Variants in ATRNL1 observed in about 807,000 individuals in gnomAD.
The protein encoded by ATRNL1 is attractin like 1.
Under a neutral mutation model 182.7 loss-of-function variants are expected in ATRNL1, and 95 were observed. That is an observed-to-expected ratio of 0.52 (90% CI 0.44 to 0.62). ATRNL1 has a LOEUF of 0.62. Ranked by LOEUF, ATRNL1 falls within the 20% of genes least tolerant of loss-of-function variation. ATRNL1 has a pLI of 0.00. For synonymous variants in ATRNL1, 576 were observed against 568.3 expected (o/e 1.01, Z -0.19); for missense variants, 1,471 against 1,679.5 (o/e 0.88, Z 2.17).
At chr10:115,646,310 C>T (rs1031757962) in intron 26 of ATRNL1, among the ~76,000 whole-genome samples, 3 of 151,994 alleles carry the variant, frequency 2.0e-5, no homozygotes, top group Non-Finnish European at 4.4e-5. Flanking sequence ...TTTAGTAATA[C>T]TAATTATAAT....
chr10:115,795,306 G>A (rs979315787), intron 27 of ATRNL1, among the ~76,000 whole-genome samples: 1 of 152,064 alleles, frequency 6.6e-6, no homozygotes, highest in Non-Finnish European at 1.5e-5. Context: ...CTAAAATTCT[G>A]ATCCAGAATC....
At chr10:115,462,299 A>C (rs782291818) in intron 22 of ATRNL1, among the ~76,000 whole-genome samples, 1 of 152,138 alleles carries the variant, frequency 6.6e-6, no homozygotes, top group African/African-American at 2.4e-5. Flanking sequence ...TAATTATACA[A>C]GCACGGACTG....
chr10:115,377,222 A>G (rs1337461261), intron 19 of ATRNL1, among the ~76,000 whole-genome samples: 3 of 152,108 alleles, frequency 2.0e-5, no homozygotes, highest in African/African-American at 7.2e-5. Flanking sequence ...ACCCAGTGGG[A>G]GATAACTGAA....
chr10:115,653,025 A>T (rs1361675675), intron 26 of ATRNL1, among the ~76,000 whole-genome samples: 1 of 152,118 alleles, frequency 6.6e-6, no homozygotes, highest in Non-Finnish European at 1.5e-5. Context: ...TCATTGCGTA[A>T]AATAATTACA....
rs1316963416 is a variant in ATRNL1, at chr10:115,387,932, T to C, written c.3176-6727T>C. On this transcript the variant is annotated intron_variant, in intron 19 of 28. Coordinates refer to ENST00000355044, the MANE Select transcript of ATRNL1 (RefSeq NM_207303.4). The stretch of plus-strand genomic sequence containing the variant: ...TGATATATAGTATCGTCATCATCAC[T>C]TTTGAAGGAAATTTGTGTTTATTAT... Among the ~76,000 whole-genome samples, 8 of 152,296 alleles carry C rather than the reference T, an allele frequency of 5.3e-5. No homozygotes were observed. In the East Asian group the frequency reaches 1.3e-3, roughly 26 times the overall value.
At chr10:115,492,722 C>T (rs1323782094) in intron 24 of ATRNL1, among the ~76,000 whole-genome samples, 6 of 146,252 alleles carry the variant, frequency 4.1e-5, no homozygotes, top group African/African-American at 1.5e-4. Flanking sequence ...TGGCCCACTG[C>T]AAGCTCCGCC....
intron 27 of ATRNL1, among the ~76,000 whole-genome samples, chr10:115,802,686 C>T (rs1555084643): frequency 6.6e-6 from 1 of 152,064 alleles, no homozygotes; most frequent in African/African-American, 2.4e-5. Flanking sequence ...CTATCTCTTG[C>T]CTTGTGGGAC....
chr10:115,384,779 T>A (rs1186158002), intron 19 of ATRNL1, among the ~76,000 whole-genome samples: 1 of 152,034 alleles, frequency 6.6e-6, no homozygotes, highest in Non-Finnish European at 1.5e-5. Context: ...ATTTGTTATT[T>A]CTAAAGTTTT....
chr10:115,942,289 G>T (rs1171579152), intron 28 of ATRNL1, among the ~76,000 whole-genome samples: 2 of 152,162 alleles, frequency 1.3e-5, no homozygotes, highest in African/African-American at 4.8e-5. Context: ...TGGAACTTAT[G>T]TCTGCTGGCC....
intron 25 of ATRNL1, among the ~76,000 whole-genome samples, chr10:115,537,315 T>C (rs1160320185): frequency 6.6e-6 from 1 of 152,208 alleles, no homozygotes; most frequent in Non-Finnish European, 1.5e-5. Context: ...TTGACTTAAA[T>C]ATTGCTTTAC....
At chr10:115,701,217 C>A (rs1340953272) in intron 26 of ATRNL1, among the ~76,000 whole-genome samples, 1 of 151,922 alleles carries the variant, frequency 6.6e-6, no homozygotes, top group South Asian at 2.1e-4. Context: ...TTTGGATAAA[C>A]AACAAAATTA....
chr10:115,354,655 G>A (rs1378963767), intron 19 of ATRNL1, among the ~76,000 whole-genome samples: 2 of 152,008 alleles, frequency 1.3e-5, no homozygotes, highest in African/African-American at 4.8e-5. Context: ...ATTATTATAT[G>A]TCTTGTGGTA....
At chr10:115,185,039 G>A (rs1422319226) in intron 8 of ATRNL1, among the ~76,000 whole-genome samples, 2 of 151,946 alleles carry the variant, frequency 1.3e-5, no homozygotes, top group Non-Finnish European at 2.9e-5. Context: ...TGTGGAAGAC[G>A]AGAACTGCAG....
At chr10:115,405,908 G>T (rs1554958145) in intron 20 of ATRNL1, among the ~76,000 whole-genome samples, 1 of 134,680 alleles carries the variant, frequency 7.4e-6, no homozygotes, top group Admixed American at 8.9e-5. Context: ...TATTCTCATT[G>T]TTCAGTTCCC....
intron 28 of ATRNL1, among the ~76,000 whole-genome samples, chr10:115,937,626 A>G (rs1953601235): frequency 6.6e-6 from 1 of 152,254 alleles, no homozygotes; most frequent in Non-Finnish European, 1.5e-5. Flanking sequence ...TCTATGTAAC[A>G]TCAAAGTTTC....
chr10:115,219,627 G>A (rs1278425867), intron 9 of ATRNL1, among the ~76,000 whole-genome samples: 1 of 152,212 alleles, frequency 6.6e-6, no homozygotes, highest in African/African-American at 2.4e-5. Context: ...AATAGTCTGG[G>A]CATGGTGGCT....
intron 25 of ATRNL1, among the ~76,000 whole-genome samples, chr10:115,532,493 T>C (rs1851656929): frequency 6.6e-6 from 1 of 152,174 alleles, no homozygotes; most frequent in Non-Finnish European, 1.5e-5. Flanking sequence ...GAGACTTTGC[T>C]GAAGTTGCTT....
intron 20 of ATRNL1, among the ~76,000 whole-genome samples, chr10:115,414,873 TTTTG>T (rs1845314716): frequency 6.6e-6 from 1 of 152,072 alleles, no homozygotes; most frequent in Non-Finnish European, 1.5e-5. Flanking sequence ...ATGTTCATTT[TTTTG>T]TTCTGTTTTG....
intron 26 of ATRNL1, among the ~76,000 whole-genome samples, chr10:115,607,743 T>A (rs1856942176): frequency 6.6e-6 from 1 of 151,928 alleles, no homozygotes; most frequent in Non-Finnish European, 1.5e-5. Flanking sequence ...TGCAATGTGT[T>A]ATAGAATAAT....
Sources: allele counts gnomAD v4.1 joint callset (sites outside exome capture counted in the v4.1 genomes callset), GRCh38; gene constraint gnomAD v4.1.1; transcripts MANE v1.5; gene names NCBI Gene and HGNC (gene_info 2026-07-23, HGNC 2026-07-21).